Variants in TASP1 observed in about 807,000 individuals in gnomAD.
TASP1 encodes taspase 1, also known as threonine aspartase 1.
TASP1 carries 16 observed loss-of-function variants against 56.6 expected under a neutral mutation model. The observed-to-expected ratio is 0.28, with a 90% confidence interval of 0.19 to 0.43. The LOEUF is 0.43. TASP1 is among the 20% of genes least tolerant of loss of function. TASP1 has a pLI of 1.00. For synonymous variants in TASP1, 179 were observed against 184.2 expected, an observed-to-expected ratio of 0.97 and a Z score of 0.23; for missense variants, 393 against 511.6, an observed-to-expected ratio of 0.77 and a Z score of 2.24.
chr20:13,392,670 C>T, intron 13 of TASP1: 1 of 499,330 alleles, frequency 2.0e-6, no homozygotes, highest in East Asian at 4.8e-5. Context: ...GTGCTAGCCA[C>T]ATCCCTGGTG....
At chr20:13,404,696 T>TA (rs1212683630) in intron 13 of TASP1, among the ~76,000 whole-genome samples, 1 of 152,190 alleles carries the variant, frequency 6.6e-6, no homozygotes, top group East Asian at 1.9e-4. Flanking sequence ...CAAAAGTTAA[T>TA]AGTCATCACA....
intron 11 of TASP1, among the ~76,000 whole-genome samples, chr20:13,480,695 G>A (rs1275774579): frequency 6.6e-6 from 1 of 152,182 alleles, no homozygotes; most frequent in East Asian, 1.9e-4. Context: ...TAGCTAATCT[G>A]TAGTTTTAGA....
intron 7 of TASP1, among the ~76,000 whole-genome samples, chr20:13,561,375 T>C (rs1163231348): frequency 6.6e-6 from 1 of 152,164 alleles, no homozygotes; most frequent in East Asian, 1.9e-4. Flanking sequence ...ATTTTATTTA[T>C]TTATTTTTGA....
intron 11 of TASP1, among the ~76,000 whole-genome samples, chr20:13,435,638 A>G (rs971042082): frequency 5.9e-5 from 9 of 152,174 alleles, no homozygotes; most frequent in African/African-American, 1.9e-4. Context: ...GTTCGCACAA[A>G]TAAGGGTGAA....
intron 12 of TASP1, among the ~76,000 whole-genome samples, chr20:13,430,447 C>T (rs969808876): frequency 4.6e-5 from 7 of 152,126 alleles, no homozygotes; most frequent in Non-Finnish European, 7.4e-5. Context: ...GCAGGAAGCC[C>T]CGGTTCCTCA....
Position 13,630,069 on chromosome 20 carries a change from C to T in TASP1, c.10G>A (p.Glu4Lys). 1.2e-6 allele frequency: 2 copies of T among 1,612,516 alleles called. No homozygotes were observed. The highest frequency in any genetic ancestry group is 1.7e-6 in the Non-Finnish European group (2 of 1,179,572). MTM[E>K]KGMSSGEGLP... ...CCTTCTCCAGAACTCATCCCCTTCTCCATGGTCATTCTCCAAGATTACCAT... is the reference window on the plus strand; with the variant it reads ...CCTTCTCCAGAACTCATCCCCTTCTTCATGGTCATTCTCCAAGATTACCAT... Residue 4 changes from glutamate to lysine, a missense_variant, in exon 2 of 14, where the codon GAG becomes AAG. By Grantham distance (56) the Glu-to-Lys change is moderately conservative (BLOSUM62 1). Coordinates refer to ENST00000337743, the MANE Select transcript of TASP1 (RefSeq NM_017714.3).
At chr20:13,126,329 T>A in the TASP1 span, among the ~76,000 whole-genome samples, 1 of 152,218 alleles carries the variant, frequency 6.6e-6, no homozygotes, top group Non-Finnish European at 1.5e-5. Flanking sequence ...TCTTCACACA[T>A]CTGGTTTTGC....
the TASP1 span, among the ~76,000 whole-genome samples, chr20:13,122,670 A>C: frequency 3.3e-5 from 5 of 152,248 alleles, no homozygotes; most frequent in Non-Finnish European, 7.3e-5. Flanking sequence ...TAATGCATAC[A>C]AAGTTCTTAA....
intron 11 of TASP1, among the ~76,000 whole-genome samples, chr20:13,458,772 G>C (rs898806129): frequency 6.6e-6 from 1 of 152,138 alleles, no homozygotes; most frequent in Non-Finnish European, 1.5e-5. Context: ...GTTAGTTAAC[G>C]CCACAGCTCA....
chr20:13,569,577 A>G lies in TASP1; in HGVS notation c.498T>C (p.Val166=). The G allele has an allele frequency of 2.5e-6, 4 of 1,612,086 alleles. No individual in the cohort carries two copies. Among genetic ancestry groups the G allele is most frequent in the Non-Finnish European group, 3.4e-6 (4 of 1,179,346 alleles). Reference sequence around the variant, plus strand: ...CTGCCCATCTGTAGGCTCCTTCTCCAACTAAAAAGCTAACAACAGAAAAAT... The same window carrying G: ...CTGCCCATCTGTAGGCTCCTTCTCCGACTAAAAAGCTAACAACAGAAAAAT... The part of the protein sequence containing the change: ...SAGRIPPCFL[V]GEGAYRWAVD... The change falls in exon 7 of 14, where the codon GTT becomes GTC. Residue 166 remains valine, a synonymous_variant. Coordinates refer to ENST00000337743, the MANE Select transcript of TASP1 (RefSeq NM_017714.3).
intron 5 of TASP1, among the ~76,000 whole-genome samples, chr20:13,581,798 G>T (rs986516513): frequency 6.6e-6 from 1 of 152,124 alleles, no homozygotes; most frequent in African/African-American, 2.4e-5. Context: ...AAATCTATCG[G>T]ATGAGTTAGC....
At chr20:13,290,913 G>A in the TASP1 span, among the ~76,000 whole-genome samples, 37 of 152,316 alleles carry the variant, frequency 2.4e-4, 1 homozygote, top group African/African-American at 8.4e-4. Context: ...GATCAACCTG[G>A]AATTTGAATC....
In TASP1 at chr20:13,628,544, A is replaced by G. The variant is rs115704634; in HGVS notation, c.145+1390T>C. ...TTTCTGGTTTTTTGGATTTGTTTAG[A>G]TACTCTGGATTAGATTCACATAAGG... On this transcript the variant is annotated intron_variant, in intron 2 of 13. Coordinates refer to ENST00000337743, the MANE Select transcript of TASP1 (RefSeq NM_017714.3). 4.2e-3 allele frequency among the ~76,000 whole-genome samples: 640 copies of G among 152,268 alleles called. 4 individuals are homozygous for G. Among genetic ancestry groups the G allele is most frequent in the African/African-American group, 0.015 (609 of 41,542 alleles).
At chr20:13,216,021 T>TAC in the TASP1 span, among the ~76,000 whole-genome samples, 6 of 152,240 alleles carry the variant, frequency 3.9e-5, no homozygotes, top group Non-Finnish European at 8.8e-5. Context: ...GCTTCCAGTT[T>TAC]ACCTCTAAGG....
intron 10 of TASP1, among the ~76,000 whole-genome samples, chr20:13,517,915 T>TG (rs1187224548): frequency 4.6e-5 from 7 of 152,232 alleles, no homozygotes; most frequent in Admixed American, 3.9e-4. Context: ...TTCTTAGAAA[T>TG]GTGCTGGTAG....
chr20:13,520,069 A>T (rs1408927399), intron 10 of TASP1, among the ~76,000 whole-genome samples: 1 of 152,122 alleles, frequency 6.6e-6, no homozygotes, highest in Non-Finnish European at 1.5e-5. Context: ...TTACAAGGGA[A>T]GTGAAGGACC....
the TASP1 span, among the ~76,000 whole-genome samples, chr20:13,198,237 T>C: frequency 6.6e-6 from 1 of 152,230 alleles, no homozygotes; most frequent in African/African-American, 2.4e-5. Flanking sequence ...ATTTTTCATC[T>C]TCTAAATATT....
chr20:13,637,554 C>A (rs1247180382), intron 1 of TASP1, among the ~76,000 whole-genome samples: 4 of 152,184 alleles, frequency 2.6e-5, no homozygotes, highest in Non-Finnish European at 4.4e-5. Context: ...CATTACCCAT[C>A]CATAAAACAG....
intron 8 of TASP1, among the ~76,000 whole-genome samples, chr20:13,551,425 G>A (rs2045979474): frequency 6.6e-6 from 1 of 151,998 alleles, no homozygotes; most frequent in African/African-American, 2.4e-5. Flanking sequence ...AAGAAAAAGA[G>A]ATGGAAACTA....
Sources: allele counts gnomAD v4.1 joint callset (sites outside exome capture counted in the v4.1 genomes callset), GRCh38; gene constraint gnomAD v4.1.1; transcripts MANE v1.5; gene names NCBI Gene and HGNC (gene_info 2026-07-23, HGNC 2026-07-21).